ERC1: variants seen among roughly 807,000 people sequenced by gnomAD.
ERC1 encodes ELKS/RAB6-interacting/CAST family member 1.
ERC1 carries 56 observed loss-of-function variants against 132.0 expected under a neutral mutation model. The observed-to-expected ratio is 0.42, with a 90% CI of 0.34 to 0.53. ERC1 has a LOEUF of 0.53. Among genes scored for constraint, ERC1 ranks in the 20% least tolerant of loss-of-function variants. ERC1 has a pLI of 0.03. For missense variants in ERC1, 1,202 were observed against 1,349.9 expected, an observed-to-expected ratio of 0.89 and a Z score of 1.72; for synonymous variants, 478 against 476.1, an observed-to-expected ratio of 1.00 and a Z score of -0.05.
chr12:1,148,367 G>T (rs1044126218), intron 8 of ERC1, among the ~76,000 whole-genome samples: 1 of 152,090 alleles, frequency 6.6e-6, no homozygotes, highest in East Asian at 1.9e-4. Context: ...CATGGCAACA[G>T]GAGAGAGACA....
chr12:1,018,329 C>T (rs1325468392), intron 1 of ERC1, among the ~76,000 whole-genome samples: 3 of 152,234 alleles, frequency 2.0e-5, no homozygotes, highest in African/African-American at 4.8e-5. Context: ...ATTCTCCTCC[C>T]TCAGCCTGTG....
At chr12:1,480,766 G>A (rs113253674) in intron 18 of ERC1, 9 of 699,576 alleles carry the variant, frequency 1.3e-5, no homozygotes, top group African/African-American at 1.0e-4. Flanking sequence ...GGGTTGAAGA[G>A]AGCAAGAATA....
intron 13 of ERC1, 124 bp from the exon 14 acceptor site, chr12:1,262,910 T>G: frequency 1.1e-6 from 1 of 902,302 alleles, no homozygotes; most frequent in Non-Finnish European, 1.7e-6. Flanking sequence ...GACGATATCT[T>G]GTTGACCTGG....
At chr12:1,285,188 A>G (rs1367466659) in intron 14 of ERC1, among the ~76,000 whole-genome samples, 1 of 152,236 alleles carries the variant, frequency 6.6e-6, no homozygotes, top group Non-Finnish European at 1.5e-5. Flanking sequence ...ATAAAATTGC[A>G]TTTATATCTT....
At chr12:993,060 A>G (rs530205897) in intron 1 of ERC1, among the ~76,000 whole-genome samples, 3 of 152,320 alleles carry the variant, frequency 2.0e-5, no homozygotes, top group East Asian at 3.9e-4. Flanking sequence ...TCTTCCAGCA[A>G]ATACTTCTAC....
intron 4 of ERC1, among the ~76,000 whole-genome samples, chr12:1,107,372 C>G (rs138435501): frequency 2.0e-5 from 3 of 152,232 alleles, no homozygotes; most frequent in African/African-American, 7.2e-5. Flanking sequence ...GACGTTGGTC[C>G]TGGACTGTAC....
intron 1 of ERC1, among the ~76,000 whole-genome samples, chr12:1,000,050 AAC>A (rs1190394739): frequency 2.0e-5 from 3 of 152,196 alleles, no homozygotes; most frequent in African/African-American, 7.2e-5. Flanking sequence ...AATGAAACTA[AAC>A]ACCTGTATTC....
Position 1,491,286 on chromosome 12 carries a change from G to A in ERC1, c.*1056G>A, listed in dbSNP as rs2094316290. On this transcript the variant is annotated 3_prime_UTR_variant, in exon 19 of 19. Transcript: ENST00000360905. Reference sequence around the variant, plus strand: ...TTGTGATCCCTCACTCACCCTGCTAGCTTTGCCCTTGACTCGTCTTCTCTG... The same window carrying A: ...TTGTGATCCCTCACTCACCCTGCTAACTTTGCCCTTGACTCGTCTTCTCTG... 8.6e-6 allele frequency: 2 copies of A among 231,296 alleles called. No individual in the cohort carries two copies. The highest frequency in any genetic ancestry group is 1.2e-4 in the East Asian group (2 of 16,358). 14.3% of individuals were successfully genotyped at this position (231,296 alleles called of 1,614,324 possible). A position where few individuals can be genotyped will look rare whatever the true frequency, so the allele number is the denominator to read the frequency against.
chr12:1,282,192 G>A (rs974022958), intron 14 of ERC1, among the ~76,000 whole-genome samples: 5 of 152,146 alleles, frequency 3.3e-5, no homozygotes, highest in African/African-American at 1.2e-4. Flanking sequence ...ACTGATACAT[G>A]GTAGCAAAGC....
chr12:1,068,686 G>A (rs1939761431), intron 2 of ERC1, among the ~76,000 whole-genome samples: 2 of 152,110 alleles, frequency 1.3e-5, no homozygotes, highest in South Asian at 4.1e-4. Context: ...AAATATACTA[G>A]CAAGGTAAAT....
At chr12:1,181,899 C>T (rs1194092623) in intron 9 of ERC1, 26 bp from the exon 10 acceptor site, 1 of 1,588,082 alleles carries the variant, frequency 6.3e-7, no homozygotes, top group East Asian at 2.2e-5. Flanking sequence ...GGAATTTCTT[C>T]ACATGTTGAT....
chr12:1,119,243 TTTTTG>T (rs757621813), intron 7 of ERC1, among the ~76,000 whole-genome samples: 1 of 147,224 alleles, frequency 6.8e-6, no homozygotes, highest in South Asian at 2.1e-4. Context: ...ATCTGTTTGT[TTTTTG>T]TTTTGTTTTG....
At chr12:1,024,962 A>G (rs1966842075) in intron 1 of ERC1, among the ~76,000 whole-genome samples, 1 of 152,194 alleles carries the variant, frequency 6.6e-6, no homozygotes, top group African/African-American at 2.4e-5. Flanking sequence ...ATTAAGTATT[A>G]TAAGTAATTT....
intron 7 of ERC1, among the ~76,000 whole-genome samples, chr12:1,122,698 A>AATCTCT (rs1555256505): frequency 7.1e-5 from 7 of 99,140 alleles, no homozygotes; most frequent in South Asian, 4.4e-4. Flanking sequence ...TATCTATCTA[A>AATCTCT]ATCTCTGAAA....
intron 15 of ERC1, among the ~76,000 whole-genome samples, chr12:1,304,882 C>CCCG (rs1566540155): frequency 2.7e-5 from 4 of 148,740 alleles, no homozygotes. Context: ...CTCCGCCTCC[C>CCCG]GGGTTGACGC....
chr12:1,355,324 C>CT (rs1384242780), intron 15 of ERC1, among the ~76,000 whole-genome samples: 1 of 151,856 alleles, frequency 6.6e-6, no homozygotes, highest in Non-Finnish European at 1.5e-5. Flanking sequence ...TTATTATTTT[C>CT]TTTTTTTTCA....
At chr12:1,222,860 G>A (rs541135948) in intron 12 of ERC1, among the ~76,000 whole-genome samples, 4 of 152,272 alleles carry the variant, frequency 2.6e-5, no homozygotes, top group Non-Finnish European at 2.9e-5. Context: ...GAAGGAGTAA[G>A]TTAAAGACAG....
At chr12:1,010,086 C>T (rs984086473) in intron 1 of ERC1, among the ~76,000 whole-genome samples, 1 of 152,130 alleles carries the variant, frequency 6.6e-6, no homozygotes, top group Non-Finnish European at 1.5e-5. Context: ...TTAGTGAGTA[C>T]ACATATAAAG....
chr12:1,217,979 A>G (rs1958583802), intron 12 of ERC1, among the ~76,000 whole-genome samples: 1 of 152,196 alleles, frequency 6.6e-6, no homozygotes. Context: ...TTATGGCCAC[A>G]GATCTCAAAT....
Sources: gnomAD v4.1 joint callset for allele counts (sites outside exome capture counted in the v4.1 genomes callset) on GRCh38, gnomAD v4.1.1 for gene constraint, MANE v1.5 for transcripts, NCBI Gene and HGNC (gene_info 2026-07-23, HGNC 2026-07-21) for gene names.